Variants in HOOK3 observed in about 807,000 individuals in gnomAD.
The protein encoded by HOOK3 is protein Hook homolog 3.
A neutral mutation model predicts 116.3 loss-of-function variants in HOOK3; 24 were observed. That is an observed-to-expected ratio of 0.21 (90% CI 0.15 to 0.29). The LOEUF is 0.29. Ranked by LOEUF, HOOK3 falls within the 10% of genes least tolerant of loss-of-function variation. The pLI is 1.00. For missense variants in HOOK3, 632 were observed against 830.2 expected (o/e 0.76, Z 2.93); for synonymous variants, 275 against 283.0 (o/e 0.97, Z 0.28).
intron 10 of HOOK3, among the ~76,000 whole-genome samples, chr8:42,967,551 T>C (rs1420193504): frequency 2.0e-5 from 3 of 152,130 alleles, no homozygotes; most frequent in Admixed American, 2.0e-4. Flanking sequence ...ATCTCTCTCC[T>C]TCATACACAT....
chr8:42,994,582 T>C (rs1340457956), intron 15 of HOOK3: 2 of 192,944 alleles, frequency 1.0e-5, no homozygotes, highest in African/African-American at 4.8e-5. Context: ...TTCAGGAACA[T>C]ATTGTTGAAT....
At chr8:42,913,984 G>A (rs1018778589) in intron 2 of HOOK3, among the ~76,000 whole-genome samples, 9 of 152,094 alleles carry the variant, frequency 5.9e-5, no homozygotes, top group Non-Finnish European at 1.0e-4. Context: ...AATGCTTTGC[G>A]CTGATTCATC....
chr8:42,959,174 G>T, intron 7 of HOOK3, 57 bp from the exon 8 acceptor site: 1 of 1,150,936 alleles, frequency 8.7e-7, no homozygotes, highest in Non-Finnish European at 1.3e-6. Flanking sequence ...TTGAACATAC[G>T]AATTATTAAT....
intron 1 of HOOK3, among the ~76,000 whole-genome samples, chr8:42,899,700 T>G (rs1398664332): frequency 1.3e-5 from 2 of 152,182 alleles, no homozygotes; most frequent in African/African-American, 4.8e-5. Context: ...CTAGTCAGTT[T>G]GGTTGTGTGG....
At chr8:42,990,906 G>A (rs1809148266) in intron 15 of HOOK3, among the ~76,000 whole-genome samples, 1 of 152,100 alleles carries the variant, frequency 6.6e-6, no homozygotes, top group South Asian at 2.1e-4. Context: ...CCACACCAAT[G>A]TCCAGTTTTG....
rs1226819799 is a variant in HOOK3 at position 42,964,332 on chromosome 8, A to G, written c.637A>G (p.Lys213Glu). 1 of 1,614,146 alleles carries G rather than the reference A, an allele frequency of 6.2e-7. No homozygotes were observed. Among genetic ancestry groups the G allele is most frequent in the South Asian group, 1.1e-5 (1 of 91,078 alleles). ...ACAGGTTGCAGCATTGCAGGAAGAG[A>G]AAAGTAGTTTGTTGGCAGAGAATCA... ...DMQVAALQEEKSSLLAENQVL... is the reference protein window; with the variant it reads ...DMQVAALQEEESSLLAENQVL... The change falls in exon 9 of 22, where the codon AAA (lysine) becomes GAA (glutamate). Residue 213 changes from lysine to glutamate, a missense_variant. Lys to Glu is a moderately conservative substitution (Grantham distance 56). This residue lies in a region of HOOK3 where 483 missense variants were observed against 648.1 expected (regional missense o/e 0.75). Transcript: ENST00000307602.
In HOOK3 at chr8:43,023,556, G is replaced by A. The variant is rs946049342; in HGVS notation, c.*5058G>A. 9 of 171,602 alleles carry A rather than the reference G, an allele frequency of 5.2e-5. No homozygotes were observed. The highest frequency in any genetic ancestry group is 1.2e-4 in the African/African-American group (5 of 41,872). 10.6% of individuals were successfully genotyped at this position (171,602 alleles called of 1,614,324 possible). ...CAAACTCTGCCTACCAGGTTCAAGC[G>A]ATTCTCCTGCCTCATCCTCCCTAGT... On this transcript the variant is annotated 3_prime_UTR_variant, in exon 22 of 22. Coordinates refer to ENST00000307602, the MANE Select transcript of HOOK3 (RefSeq NM_032410.4).
chr8:42,968,867 G>A (rs868112706), intron 11 of HOOK3, among the ~76,000 whole-genome samples: 2 of 152,070 alleles, frequency 1.3e-5, no homozygotes, highest in Middle Eastern at 3.4e-3. Context: ...ATTCCCATTC[G>A]TCTCTCTATA....
intron 1 of HOOK3, among the ~76,000 whole-genome samples, chr8:42,898,784 C>T (rs1807119187): frequency 6.6e-6 from 1 of 152,208 alleles, no homozygotes; most frequent in Admixed American, 6.5e-5. Flanking sequence ...GTAAACCCAT[C>T]ATAAGTTGAA....
chr8:43,018,260 A>G (rs1809758757), intron 21 of HOOK3, 98 bp from the exon 22 acceptor site: 2 of 1,150,056 alleles, frequency 1.7e-6, no homozygotes, highest in South Asian at 1.7e-5. Flanking sequence ...ATTGTGCTTT[A>G]TGATACACTG....
intron 8 of HOOK3, among the ~76,000 whole-genome samples, chr8:42,964,074 G>A (rs1017964497): frequency 7.9e-5 from 12 of 152,194 alleles, no homozygotes; most frequent in African/African-American, 2.9e-4. Flanking sequence ...AGGCGTGGTG[G>A]TGGGCGCCTG....
In HOOK3 at chr8:43,025,055, C is replaced by T. The variant is rs913480081; in HGVS notation, c.*6557C>T. The T allele has an allele frequency of 1.9e-5, 4 of 210,596 alleles. No homozygotes were observed. Among genetic ancestry groups the T allele is most frequent in the African/African-American group, 9.1e-5 (4 of 44,128 alleles). The allele number at this position is 210,596 out of a possible 1,614,324, so 13.0% of individuals were successfully genotyped here. A position where few individuals can be genotyped will look rare whatever the true frequency, so the allele number is the denominator to read the frequency against. On this transcript the variant is annotated 3_prime_UTR_variant, in exon 22 of 22. Coordinates refer to ENST00000307602, the MANE Select transcript of HOOK3 (RefSeq NM_032410.4). The stretch of plus-strand genomic sequence containing the variant: ...AATTCATGTTGACTTAAAACATGGG[C>T]ATCCTTGGATTCTCCACATTGACTG...
chr8:42,989,721 C>T (rs1809119849), intron 15 of HOOK3, among the ~76,000 whole-genome samples: 1 of 151,966 alleles, frequency 6.6e-6, no homozygotes, highest in Admixed American at 6.6e-5. Flanking sequence ...TTTTTATGTA[C>T]CCATTAACCT....
intron 8 of HOOK3, 94 bp downstream of exon 8, chr8:42,959,408 A>G (rs1808495376): frequency 1.2e-6 from 1 of 809,090 alleles, no homozygotes; most frequent in South Asian, 1.7e-5. Flanking sequence ...CATCTTAACT[A>G]TAACGCAACC....
intron 2 of HOOK3, among the ~76,000 whole-genome samples, chr8:42,921,040 A>G (rs1395981341): frequency 6.6e-6 from 1 of 152,198 alleles, no homozygotes; most frequent in Non-Finnish European, 1.5e-5. Flanking sequence ...GCCTGATGTG[A>G]AACATTGTAT....
chr8:42,964,677 A>C (rs1315439763), intron 9 of HOOK3, among the ~76,000 whole-genome samples: 1 of 152,096 alleles, frequency 6.6e-6, no homozygotes, highest in Non-Finnish European at 1.5e-5. Context: ...AAATACAAAA[A>C]TTAGCCAGGC....
At chr8:42,917,160 C>T (rs1205891121) in intron 2 of HOOK3, among the ~76,000 whole-genome samples, 1 of 152,160 alleles carries the variant, frequency 6.6e-6, no homozygotes, top group Non-Finnish European at 1.5e-5. Flanking sequence ...AATGATACAG[C>T]TTGGTAACAG....
At chr8:42,909,286 T>G (rs1400055615) in intron 2 of HOOK3, among the ~76,000 whole-genome samples, 1 of 152,234 alleles carries the variant, frequency 6.6e-6, no homozygotes, top group Non-Finnish European at 1.5e-5. Context: ...GCAATCCCAC[T>G]TTTGTGTATA....
chr8:42,986,530 TA>T, intron 14 of HOOK3, 124 bp from the exon 15 acceptor site: 1 of 613,482 alleles, frequency 1.6e-6, no homozygotes, highest in Non-Finnish European at 2.6e-6. Flanking sequence ...GCAGGTTCTT[TA>T]TTTTTCATTT....
Sources: allele counts gnomAD v4.1 joint callset (sites outside exome capture counted in the v4.1 genomes callset), GRCh38; gene constraint gnomAD v4.1.1; regional missense constraint gnomAD v4.1.1; transcripts MANE v1.5; gene names NCBI Gene and HGNC (gene_info 2026-07-23, HGNC 2026-07-21).